The following KPNA6 variants were observed in gnomAD, a reference collection of about 807,000 sequenced individuals.
KPNA6 encodes the protein importin subunit alpha-7.
In KPNA6, 9 loss-of-function variants were observed where a neutral mutation model predicts 72.0. The ratio of observed to expected loss-of-function variants is 0.13; its 90% confidence interval spans 0.08 to 0.22. The LOEUF is 0.22. Among genes scored for constraint, KPNA6 ranks in the 10% least tolerant of loss-of-function variants. KPNA6 has a pLI of 1.00. For missense variants in KPNA6, 374 were observed against 655.7 expected (o/e 0.57, Z 4.69); for synonymous variants, 219 against 242.1 (o/e 0.90, Z 0.89).
rs1405115523 is a variant in KPNA6 at position 32,171,726 on chromosome 1, C to T, written c.*832C>T. The T allele has an allele frequency of 6.6e-6, 1 of 152,272 alleles. No individual in the cohort carries two copies. The highest frequency in any genetic ancestry group is 1.9e-4 in the East Asian group (1 of 5,206). The allele number at this position is 152,272 out of a possible 1,614,324, so 9.4% of individuals were successfully genotyped here. A position where few individuals can be genotyped will look rare whatever the true frequency, so the allele number is the denominator to read the frequency against. On this transcript the variant is annotated 3_prime_UTR_variant, in exon 14 of 14. Transcript: ENST00000373625. The stretch of plus-strand genomic sequence containing the variant: ...AGATGGGGCTTCCCACGTGTAGCTA[C>T]TGATCCCATATTTCCTACTCACCTT...
intron 1 of KPNA6, among the ~76,000 whole-genome samples, chr1:32,108,993 C>T (rs1641196991): frequency 6.6e-6 from 1 of 152,172 alleles, no homozygotes; most frequent in African/African-American, 2.4e-5. Context: ...TACGTACGGG[C>T]ATTGTTCTGA....
At chr1:32,125,892 T>C (rs1641522774) in intron 1 of KPNA6, among the ~76,000 whole-genome samples, 1 of 141,542 alleles carries the variant, frequency 7.1e-6, no homozygotes, top group Admixed American at 7.4e-5. Flanking sequence ...AGTTGAAAAT[T>C]AATTGAGATT....
intron 8 of KPNA6, 142 bp downstream of exon 8, chr1:32,162,188 C>T: frequency 1.1e-6 from 1 of 913,464 alleles, no homozygotes; most frequent in Non-Finnish European, 1.7e-6. Flanking sequence ...TCTTGTGTAC[C>T]TGGATAGTAA....
intron 1 of KPNA6, among the ~76,000 whole-genome samples, chr1:32,114,152 A>G (rs1641287601): frequency 6.6e-6 from 1 of 152,124 alleles, no homozygotes; most frequent in Non-Finnish European, 1.5e-5. Context: ...GTGGGAAAAC[A>G]ACATTAGGCC....
intron 1 of KPNA6, among the ~76,000 whole-genome samples, chr1:32,121,567 GA>G (rs1641433136): frequency 6.6e-6 from 1 of 152,212 alleles, no homozygotes; most frequent in Non-Finnish European, 1.5e-5. Context: ...GGAAAAATGT[GA>G]TGAGAGCTGG....
At chr1:32,151,178 G>A (rs1003330580) in intron 1 of KPNA6, among the ~76,000 whole-genome samples, 1 of 152,108 alleles carries the variant, frequency 6.6e-6, no homozygotes, top group Non-Finnish European at 1.5e-5. Context: ...TTTAAAGGAT[G>A]TAGGGCGTTT....
At chr1:32,141,346 C>T (rs1239624114) in intron 1 of KPNA6, among the ~76,000 whole-genome samples, 2 of 120,868 alleles carry the variant, frequency 1.7e-5, no homozygotes, top group Non-Finnish European at 3.6e-5. Flanking sequence ...TTCATTTATC[C>T]ATTAGGGCTT....
intron 1 of KPNA6, among the ~76,000 whole-genome samples, chr1:32,148,968 C>CA (rs1320617189): frequency 6.6e-6 from 1 of 152,088 alleles, no homozygotes; most frequent in Non-Finnish European, 1.5e-5. Context: ...GCTGGGATTA[C>CA]AATCATGAGC....
chr1:32,113,598 A>G (rs960701071), intron 1 of KPNA6, among the ~76,000 whole-genome samples: 2 of 152,096 alleles, frequency 1.3e-5, no homozygotes, highest in African/African-American at 4.8e-5. Context: ...GACTACAGGC[A>G]TGCACCACCA....
chr1:32,137,782 A>G (rs926418692), intron 1 of KPNA6, among the ~76,000 whole-genome samples: 5 of 152,098 alleles, frequency 3.3e-5, no homozygotes, highest in African/African-American at 1.2e-4. Context: ...TGAATTGGGG[A>G]GGAGAATGTT....
Position 32,174,576 on chromosome 1 carries a change from C to G in KPNA6, c.*3682C>G, listed in dbSNP as rs1304126944. On this transcript the variant is annotated 3_prime_UTR_variant, in exon 14 of 14. Coordinates refer to ENST00000373625, the MANE Select transcript of KPNA6 (RefSeq NM_012316.5). ...CCCCAGCTCTTTTGTTCAGGCCTCT[C>G]TTCTCCCCTAGACTCACTCAGCTTG... is the stretch of plus-strand genomic sequence containing the variant. 2 of 152,246 alleles carry G rather than the reference C, an allele frequency of 1.3e-5. No homozygotes were observed. The highest frequency in any genetic ancestry group is 4.8e-5 in the African/African-American group (2 of 41,456). 9.4% of individuals were successfully genotyped at this position (152,246 alleles called of 1,614,324 possible). A position where few individuals can be genotyped will look rare whatever the true frequency, so the allele number is the denominator to read the frequency against.
chr1:32,160,050 G>A (rs1642209473), intron 6 of KPNA6, among the ~76,000 whole-genome samples: 1 of 152,304 alleles, frequency 6.6e-6, no homozygotes, highest in Middle Eastern at 3.4e-3. Context: ...TATAATCCCA[G>A]CACTTTGGGA....
intron 10 of KPNA6, among the ~76,000 whole-genome samples, chr1:32,164,171 G>A (rs746236351): frequency 6.6e-5 from 10 of 152,180 alleles, no homozygotes; most frequent in African/African-American, 1.4e-4. Flanking sequence ...ATTCTTTCTC[G>A]TCTGGTTTAT....
At chr1:32,153,942 T>A (rs1376954410) in intron 1 of KPNA6, among the ~76,000 whole-genome samples, 1 of 151,720 alleles carries the variant, frequency 6.6e-6, no homozygotes, top group Non-Finnish European at 1.5e-5. Context: ...AGGTCAGGAG[T>A]TTGAGACCAG....
intron 1 of KPNA6, among the ~76,000 whole-genome samples, chr1:32,148,890 GC>G (rs57390837): frequency 0.13 from 19,592 of 151,586 alleles, 1,696 homozygotes; most frequent in South Asian, 0.25. Context: ...ATGAGATCTT[GC>G]CTATGTTGCC....
intron 10 of KPNA6, among the ~76,000 whole-genome samples, chr1:32,164,841 T>C (rs912256298): frequency 1.3e-5 from 2 of 152,176 alleles, no homozygotes; most frequent in Non-Finnish European, 2.9e-5. Flanking sequence ...ATATTTTCTC[T>C]TGTTCTGTGG....
intron 6 of KPNA6, 119 bp downstream of exon 6, chr1:32,159,650 G>A (rs1170705276): frequency 9.6e-6 from 11 of 1,148,874 alleles, no homozygotes; most frequent in Non-Finnish European, 1.2e-5. Flanking sequence ...TGAGTGATAG[G>A]GGTGTCAAGT....
intron 1 of KPNA6, among the ~76,000 whole-genome samples, chr1:32,154,251 C>A (rs1490308045): frequency 2.0e-5 from 3 of 152,046 alleles, no homozygotes; most frequent in African/African-American, 4.8e-5. Context: ...AGATTAAATT[C>A]TGAAGCAATA....
chr1:32,167,347 T>C, intron 12 of KPNA6, 51 bp downstream of exon 12: 1 of 1,610,572 alleles, frequency 6.2e-7, no homozygotes, highest in Non-Finnish European at 8.5e-7. Flanking sequence ...GCTCTCCCTG[T>C]TTGCTCATGG....
Sources: gnomAD v4.1 joint callset for allele counts (sites outside exome capture counted in the v4.1 genomes callset) on GRCh38, gnomAD v4.1.1 for gene constraint, MANE v1.5 for transcripts, NCBI Gene and HGNC (gene_info 2026-07-23, HGNC 2026-07-21) for gene names.